CSMD1: variants seen among roughly 807,000 people sequenced by gnomAD.
CSMD1 encodes CUB and sushi domain-containing protein 1.
Under a neutral mutation model 417.5 loss-of-function variants are expected in CSMD1, and 213 were observed. That is an observed-to-expected ratio of 0.51 (90% CI 0.46 to 0.57). The LOEUF is 0.57. CSMD1 is among the 20% of genes least tolerant of loss of function. The pLI is 0.00. For synonymous variants in CSMD1, 2,862 were observed against 1,736.8 expected (o/e 1.65, Z -16.11); for missense variants, 6,923 against 4,529.7 (o/e 1.53, Z -15.17).
At chr8:3,996,734 G>C (rs751933818) in intron 5 of CSMD1, among the ~76,000 whole-genome samples, 9 of 152,130 alleles carry the variant, frequency 5.9e-5, no homozygotes, top group Non-Finnish European at 8.8e-5. Flanking sequence ...GGTAGAATTT[G>C]TTTGGTTTCT....
intron 2 of CSMD1, among the ~76,000 whole-genome samples, chr8:4,556,426 T>C (rs1237735353): frequency 6.6e-6 from 1 of 152,130 alleles, no homozygotes; most frequent in Admixed American, 6.6e-5. Flanking sequence ...GAGGCCAGGG[T>C]ACAGAGGACA....
chr8:4,088,501 T>C (rs1800541105), intron 3 of CSMD1, among the ~76,000 whole-genome samples: 1 of 152,196 alleles, frequency 6.6e-6, no homozygotes, highest in Admixed American at 6.5e-5. Flanking sequence ...ATCTTCTTCT[T>C]TGTTTTCAAC....
chr8:4,823,638 T>C (rs1799644979), intron 1 of CSMD1, among the ~76,000 whole-genome samples: 1 of 152,060 alleles, frequency 6.6e-6, no homozygotes, highest in Non-Finnish European at 1.5e-5. Context: ...ACATAGCCTT[T>C]AGAAAGAATA....
intron 3 of CSMD1, among the ~76,000 whole-genome samples, chr8:4,315,961 C>T (rs181061085): frequency 1.1e-4 from 16 of 152,098 alleles, no homozygotes; most frequent in African/African-American, 2.2e-4. Context: ...AAATAAAGAA[C>T]GGGAAATTTT....
intron 2 of CSMD1, among the ~76,000 whole-genome samples, chr8:4,500,991 G>A (rs1802232648): frequency 6.6e-6 from 1 of 152,016 alleles, no homozygotes; most frequent in South Asian, 2.1e-4. Context: ...GGTTGATGAT[G>A]TCCAAATGGA....
intron 3 of CSMD1, among the ~76,000 whole-genome samples, chr8:4,113,903 C>G (rs1268036731): frequency 6.6e-6 from 1 of 152,154 alleles, no homozygotes; most frequent in Non-Finnish European, 1.5e-5. Flanking sequence ...CAGAAGAAAA[C>G]TCCGAAGCCA....
At chr8:3,989,268 C>G (rs1046805187) in intron 5 of CSMD1, among the ~76,000 whole-genome samples, 7 of 152,196 alleles carry the variant, frequency 4.6e-5, no homozygotes, top group African/African-American at 1.4e-4. Flanking sequence ...TCTACGTCAT[C>G]AAGCTCAGAA....
At chr8:3,587,650 G>A (rs1013892539) in intron 8 of CSMD1, among the ~76,000 whole-genome samples, 6 of 152,062 alleles carry the variant, frequency 3.9e-5, no homozygotes, top group East Asian at 1.9e-4. Context: ...CATGGATGTC[G>A]GCAACAGCCA....
At chr8:4,640,844 T>C (rs939250291) in intron 1 of CSMD1, among the ~76,000 whole-genome samples, 1 of 139,318 alleles carries the variant, frequency 7.2e-6, no homozygotes, top group East Asian at 2.1e-4. Context: ...TTACAGGGAT[T>C]GAAACCTTAA....
chr8:3,454,200 G>A (rs1277999269), intron 12 of CSMD1, among the ~76,000 whole-genome samples: 2 of 152,102 alleles, frequency 1.3e-5, no homozygotes, highest in Non-Finnish European at 2.9e-5. Context: ...TTGAGCCTAT[G>A]TGTGTCTCTG....
chr8:3,549,314 C>A (rs950295756), intron 10 of CSMD1, among the ~76,000 whole-genome samples: 1 of 152,188 alleles, frequency 6.6e-6, no homozygotes, highest in Non-Finnish European at 1.5e-5. Context: ...TATTATCTTG[C>A]CCTTTACAGG....
chr8:3,506,119 G>T (rs1385259876), intron 10 of CSMD1, among the ~76,000 whole-genome samples: 1 of 152,186 alleles, frequency 6.6e-6, no homozygotes, highest in African/African-American at 2.4e-5. Context: ...CGGAGGCCAG[G>T]TGATAGGTGC....
intron 3 of CSMD1, among the ~76,000 whole-genome samples, chr8:4,079,481 T>C (rs1800010565): frequency 6.6e-6 from 1 of 152,226 alleles, no homozygotes; most frequent in Non-Finnish European, 1.5e-5. Context: ...TCATAAAGCA[T>C]GCAAATTATT....
At chr8:4,354,086 T>C (rs575155327) in intron 3 of CSMD1, among the ~76,000 whole-genome samples, 157 of 152,310 alleles carry the variant, frequency 1.0e-3, no homozygotes, top group African/African-American at 3.6e-3. Context: ...CATGGCAATA[T>C]TGCTTCCATA....
At chr8:3,670,501 C>T (rs1490216909) in intron 7 of CSMD1, among the ~76,000 whole-genome samples, 8 of 125,140 alleles carry the variant, frequency 6.4e-5, no homozygotes, top group South Asian at 5.0e-4. Context: ...ATATATATCC[C>T]ATATATATAT....
At chr8:3,873,807 A>C (rs561814676) in intron 5 of CSMD1, among the ~76,000 whole-genome samples, 1 of 152,194 alleles carries the variant, frequency 6.6e-6, no homozygotes, top group African/African-American at 2.4e-5. Flanking sequence ...GGGAGAAAGA[A>C]AAGCACACAT....
intron 3 of CSMD1, among the ~76,000 whole-genome samples, chr8:4,284,077 A>G (rs1298133648): frequency 1.3e-5 from 2 of 152,144 alleles, no homozygotes; most frequent in Non-Finnish European, 2.9e-5. Flanking sequence ...TACTAAAAAT[A>G]CAAAAATTAG....
At chr8:4,155,594 T>C (rs1796793902) in intron 3 of CSMD1, among the ~76,000 whole-genome samples, 1 of 152,206 alleles carries the variant, frequency 6.6e-6, no homozygotes, top group Non-Finnish European at 1.5e-5. Flanking sequence ...GAGTCATTTT[T>C]TCAGATAGAG....
chr8:4,136,640 C>A (rs1482326220), intron 3 of CSMD1, among the ~76,000 whole-genome samples: 1 of 152,180 alleles, frequency 6.6e-6, no homozygotes, highest in African/African-American at 2.4e-5. Context: ...AATAGTGAGA[C>A]AGCATTTTCC....
Sources: gnomAD v4.1 joint callset for allele counts (sites outside exome capture counted in the v4.1 genomes callset) on GRCh38, gnomAD v4.1.1 for gene constraint, MANE v1.5 for transcripts, NCBI Gene and HGNC (gene_info 2026-07-23, HGNC 2026-07-21) for gene names.